The following KCNMB1 variants were observed in gnomAD, a reference collection of about 807,000 sequenced individuals.
KCNMB1 encodes the protein potassium calcium-activated channel subfamily M regulatory beta subunit 1.
In KCNMB1, 22 loss-of-function variants were observed where a neutral mutation model predicts 21.7. That is an observed-to-expected ratio of 1.01 (90% CI 0.72 to 1.45). KCNMB1 has a LOEUF of 1.45. Among genes scored for constraint, KCNMB1 ranks in the 40% most tolerant of loss-of-function variants. The pLI, the probability that KCNMB1 is intolerant of heterozygous loss-of-function variation, is 0.00. For synonymous variants in KCNMB1, 114 were observed against 107.6 expected (o/e 1.06, Z -0.37); for missense variants, 243 against 243.4 (o/e 1.00, Z 0.01).
At chr5:170,383,591 C>T (rs777190786) in intron 3 of KCNMB1, 88 bp downstream of exon 3, 8 of 1,464,600 alleles carry the variant, frequency 5.5e-6, no homozygotes, top group Non-Finnish European at 7.6e-6. Flanking sequence ...GTTGATCTTT[C>T]TCAGCCTCGG....
chr5:170,386,921 C>T lies in KCNMB1; in HGVS notation c.-24-1450G>A, dbSNP rs1764498112. On this transcript the variant is annotated intron_variant, in intron 1 of 3. Coordinates refer to ENST00000274629, the MANE Select transcript of KCNMB1 (RefSeq NM_004137.4). ...CCCCAATGCAAGCAAAGATTCCACC[C>T]TCCCCTGCTAGGCTCCTGATCGCTC... 2.6e-5 allele frequency among the ~76,000 whole-genome samples: 4 copies of T among 152,032 alleles called. No homozygotes were observed. In the South Asian group the frequency reaches 8.3e-4, roughly 32 times the overall value.
intron 1 of KCNMB1, among the ~76,000 whole-genome samples, chr5:170,388,265 A>G (rs1764566581): frequency 6.6e-6 from 1 of 152,354 alleles, no homozygotes; most frequent in South Asian, 2.1e-4. Flanking sequence ...TTATAGAGTC[A>G]TGATAAATCC....
At chr5:170,384,004 C>A (rs1764365050) in intron 2 of KCNMB1, among the ~76,000 whole-genome samples, 154 bp from the exon 3 acceptor site, 2 of 152,210 alleles carry the variant, frequency 1.3e-5, no homozygotes, top group South Asian at 4.1e-4. Context: ...AGGCACATGA[C>A]CCCACAGTCC....
chr5:170,386,311 G>T (rs1332977580), intron 1 of KCNMB1, among the ~76,000 whole-genome samples: 1 of 152,170 alleles, frequency 6.6e-6, no homozygotes, highest in East Asian at 1.9e-4. Context: ...GTGACCACAG[G>T]CCAAGGAGTG....
intron 3 of KCNMB1, among the ~76,000 whole-genome samples, chr5:170,380,595 C>T (rs1764200975): frequency 6.6e-6 from 1 of 152,218 alleles, no homozygotes. Context: ...ATCTAGGGCC[C>T]CAGCCAGCCA....
intron 1 of KCNMB1, among the ~76,000 whole-genome samples, chr5:170,386,845 C>T (rs1469565735): frequency 6.6e-6 from 1 of 152,110 alleles, no homozygotes; most frequent in Non-Finnish European, 1.5e-5. Flanking sequence ...TTCCTTCTCT[C>T]CTCTTTCTTT....
chr5:170,383,275 T>G, intron 3 of KCNMB1: 5 of 374,404 alleles, frequency 1.3e-5, no homozygotes, highest in East Asian at 4.8e-5. Flanking sequence ...TGGTCCCTCA[T>G]TTGACTGAGG....
chr5:170,383,760 T>C lies in KCNMB1; in HGVS notation c.225A>G (p.Pro75=). 1 of 1,614,170 alleles carries C rather than the reference T, an allele frequency of 6.2e-7. No homozygotes were observed. The highest frequency in any genetic ancestry group is 8.5e-7 in the Non-Finnish European group (1 of 1,180,014). ...CAGCTGACACGTTGACCCACAGGCATGGGTACTGGGGCACCTTCTTGCCCT... is the reference window on the plus strand; with the variant it reads ...CAGCTGACACGTTGACCCACAGGCACGGGTACTGGGGCACCTTCTTGCCCT... The part of the protein sequence containing the change: ...ELKGKKVPQY[P]CLWVNVSAAG... Residue 75 remains proline (P), a synonymous_variant, in exon 3 of 4, where the codon CCA becomes CCG. Transcript: ENST00000274629.
rs778692053 is a variant in KCNMB1, at chr5:170,385,402, C to T, written c.46G>A (p.Ala16Thr). Residue 16 changes from alanine (A) to threonine (T), a missense_variant, in exon 2 of 4, where the codon GCC (alanine) becomes ACC (threonine). By Grantham distance (58) the Ala-to-Thr change is moderately conservative. Coordinates refer to ENST00000274629, the MANE Select transcript of KCNMB1 (RefSeq NM_004137.4). ...VMAQKRGETR[A>T]LCLGVTMVVC... is the part of the protein sequence containing the mutation. ...ACCATGGTTACACCCAGGCAAAGGG[C>T]TCGTGTCTCTCCCCGCTTCTGGGCC... 1.1e-5 allele frequency: 18 copies of T among 1,613,996 alleles called. No homozygotes were observed. In the South Asian group the frequency reaches 1.6e-4, roughly 15 times the overall value.
At chr5:170,386,441 C>T (rs898645957) in intron 1 of KCNMB1, among the ~76,000 whole-genome samples, 2 of 152,116 alleles carry the variant, frequency 1.3e-5, no homozygotes, top group East Asian at 1.9e-4. Flanking sequence ...CGTTTGAGGC[C>T]GTCAGGTTTA....
intron 3 of KCNMB1, chr5:170,382,611 A>G (rs1422941701): frequency 6.7e-6 from 1 of 150,246 alleles, no homozygotes; most frequent in Admixed American, 6.6e-5. Flanking sequence ...TATGCCTTGC[A>G]TCCTGCGCCT....
At chr5:170,379,188 C>A (rs547963461) in intron 3 of KCNMB1, among the ~76,000 whole-genome samples, 1 of 151,422 alleles carries the variant, frequency 6.6e-6, no homozygotes, top group Non-Finnish European at 1.5e-5. Flanking sequence ...TGGAGCTGCT[C>A]GGGGTACAGG....
chr5:170,378,209 A>T lies in KCNMB1; in HGVS notation c.*495T>A, dbSNP rs1764084447. The T allele has an allele frequency of 1.3e-5, 2 of 153,276 alleles. No homozygotes were observed. The highest frequency in any genetic ancestry group is 4.1e-4 in the South Asian group (2 of 4,834). 9.5% of individuals were successfully genotyped at this position (153,276 alleles called of 1,614,324 possible). ...ATTAATATTGGAATTAAAAATATAT[A>T]TGGCACTTTATATCCTAGAAAATAG... On this transcript the variant is annotated 3_prime_UTR_variant, in exon 4 of 4. Coordinates refer to ENST00000274629, the MANE Select transcript of KCNMB1 (RefSeq NM_004137.4).
At chr5:170,385,628 C>T (rs1764438350) in intron 1 of KCNMB1, among the ~76,000 whole-genome samples, 157 bp from the exon 2 acceptor site, 1 of 151,976 alleles carries the variant, frequency 6.6e-6, no homozygotes, top group African/African-American at 2.4e-5. Context: ...TTTTTGGACC[C>T]CATGTAAGCC....
intron 1 of KCNMB1, among the ~76,000 whole-genome samples, chr5:170,387,582 G>A (rs1764529972): frequency 6.6e-6 from 1 of 152,186 alleles, no homozygotes; most frequent in African/African-American, 2.4e-5. Context: ...ACCAGGAGGT[G>A]AGTTTCTCCT....
At chr5:170,387,838 C>A (rs995474424) in intron 1 of KCNMB1, among the ~76,000 whole-genome samples, 1 of 152,224 alleles carries the variant, frequency 6.6e-6, no homozygotes, top group African/African-American at 2.4e-5. Context: ...TCCCCAGGAC[C>A]TGCAAGGGTC....
rs1283878314 is a variant in KCNMB1 at position 170,377,968 on chromosome 5, G to A, written c.*736C>T. 1.3e-5 allele frequency: 2 copies of A among 151,808 alleles called. No homozygotes were observed. The highest frequency in any genetic ancestry group is 3.9e-4 in the East Asian group (2 of 5,180). 9.4% of individuals were successfully genotyped at this position (151,808 alleles called of 1,614,324 possible). ...CACTTCCATCTTTTTCTGTGAGGGGGACACACTCTTTCAACTTTTCCAAAA... is the reference window on the plus strand; with the variant it reads ...CACTTCCATCTTTTTCTGTGAGGGGAACACACTCTTTCAACTTTTCCAAAA... On this transcript the variant is annotated 3_prime_UTR_variant, in exon 4 of 4. Coordinates refer to ENST00000274629, the MANE Select transcript of KCNMB1 (RefSeq NM_004137.4).
rs368056366 is a variant in KCNMB1 at position 170,383,688 on chromosome 5, C to G, written c.297G>C (p.Gln99His). The change falls in exon 3 of 4, where the codon CAG becomes CAC. Residue 99 changes from glutamine to histidine, a missense_variant. Transcript: ENST00000274629. ...VLYHTEDTRD[Q>H]NQQCSYIPGS... is the part of the protein sequence containing the mutation. ...CCCTCCAGTTCAGTACCTGCTGGTTCTGGTCCCGAGTGTCCTCCGTGTGGT... is the reference window on the plus strand; with the variant it reads ...CCCTCCAGTTCAGTACCTGCTGGTTGTGGTCCCGAGTGTCCTCCGTGTGGT... 4 of 1,614,192 alleles carry G rather than the reference C, an allele frequency of 2.5e-6. No homozygotes were observed. In the African/African-American group the frequency reaches 5.3e-5, roughly 22 times the overall value.
intron 2 of KCNMB1, 47 bp downstream of exon 2, chr5:170,385,267 C>T: frequency 6.2e-7 from 1 of 1,610,812 alleles, no homozygotes; most frequent in Non-Finnish European, 8.5e-7. Flanking sequence ...AGATGCCAGA[C>T]CCTTAGGAGA....
Sources: gnomAD v4.1 joint callset for allele counts (sites outside exome capture counted in the v4.1 genomes callset) on GRCh38, gnomAD v4.1.1 for gene constraint, MANE v1.5 for transcripts, NCBI Gene and HGNC (gene_info 2026-07-23, HGNC 2026-07-21) for gene names.